PTPRM: variants seen among roughly 807,000 people sequenced by gnomAD.
PTPRM encodes the protein protein tyrosine phosphatase receptor type M.
A neutral mutation model predicts 186.7 loss-of-function variants in PTPRM; 47 were observed. The observed-to-expected ratio is 0.25, with a 90% confidence interval of 0.20 to 0.32. The LOEUF is 0.32. Ranked by LOEUF, PTPRM falls within the 10% of genes least tolerant of loss-of-function variation. The pLI is 1.00. For missense variants in PTPRM, 1,494 were observed against 1,865.0 expected, an observed-to-expected ratio of 0.80 and a Z score of 3.66; for synonymous variants, 668 against 674.9, an observed-to-expected ratio of 0.99 and a Z score of 0.16.
chr18:8,317,570 G>C (rs1362874544), intron 21 of PTPRM, among the ~76,000 whole-genome samples: 1 of 152,034 alleles, frequency 6.6e-6, no homozygotes, highest in South Asian at 2.1e-4. Flanking sequence ...GCAGATGGAG[G>C]AAAATGTCCA....
At chr18:7,654,362 T>G (rs114751276) in intron 1 of PTPRM, among the ~76,000 whole-genome samples, 10,148 of 152,210 alleles carry the variant, frequency 0.067, 467 homozygotes, top group East Asian at 0.19. Context: ...TGTGAAAAAT[T>G]AGACCTTGGC....
At chr18:8,264,553 G>C (rs1850840662) in intron 19 of PTPRM, among the ~76,000 whole-genome samples, 1 of 151,982 alleles carries the variant, frequency 6.6e-6, no homozygotes, top group South Asian at 2.1e-4. Flanking sequence ...GGCAGATCAT[G>C]AGGTCAGGAG....
intron 7 of PTPRM, among the ~76,000 whole-genome samples, chr18:8,007,130 C>T (rs1380219838): frequency 6.6e-6 from 1 of 152,132 alleles, no homozygotes; most frequent in African/African-American, 2.4e-5. Context: ...GGGGTAGGAC[C>T]TAGGAATCTG....
chr18:8,307,639 A>C (rs954691524), intron 20 of PTPRM, among the ~76,000 whole-genome samples: 1 of 152,040 alleles, frequency 6.6e-6, no homozygotes, highest in African/African-American at 2.4e-5. Flanking sequence ...CCCCGTCTCT[A>C]CTGAAAATAC....
At chr18:7,842,905 C>T (rs1599009967) in intron 2 of PTPRM, among the ~76,000 whole-genome samples, 18 of 92,056 alleles carry the variant, frequency 2.0e-4, no homozygotes, top group Admixed American at 3.6e-4. Flanking sequence ...ATATATGTTT[C>T]TCATATGTGT....
chr18:8,242,045 C>T (rs2094438495), intron 14 of PTPRM, among the ~76,000 whole-genome samples: 2 of 152,110 alleles, frequency 1.3e-5, no homozygotes, highest in Admixed American at 1.3e-4. Flanking sequence ...TTTATTGGCA[C>T]ATATATCCCT....
At chr18:7,868,096 C>A (rs545509890) in intron 2 of PTPRM, among the ~76,000 whole-genome samples, 1 of 152,250 alleles carries the variant, frequency 6.6e-6, no homozygotes, top group South Asian at 2.1e-4. Context: ...ATCAATTCAT[C>A]TAACCTTTTT....
chr18:8,388,379 G>A (rs2095791404), intron 31 of PTPRM, among the ~76,000 whole-genome samples: 1 of 152,182 alleles, frequency 6.6e-6, no homozygotes, highest in Admixed American at 6.5e-5. Flanking sequence ...CTCAGGGCGT[G>A]GGTTACTCTC....
At chr18:8,243,983 A>G in intron 14 of PTPRM, 75 bp from the exon 15 acceptor site, 1 of 1,382,620 alleles carries the variant, frequency 7.2e-7, no homozygotes, top group Non-Finnish European at 1.0e-6. Context: ...ATTCCTGAAC[A>G]TCTGTCAATA....
intron 21 of PTPRM, 28 bp downstream of exon 21, chr18:8,314,885 A>G: frequency 7.0e-7 from 1 of 1,427,318 alleles, no homozygotes; most frequent in Non-Finnish European, 9.7e-7. Context: ...TTTAATTGAT[A>G]TATAATTGTT....
chr18:8,326,624 G>A (rs623715), intron 22 of PTPRM, among the ~76,000 whole-genome samples: 146,313 of 152,146 alleles, frequency 0.96, 70,614 homozygotes, highest in East Asian at 1. Flanking sequence ...GCCCAGAAAT[G>A]GTGCCACACA....
chr18:7,584,996 TAGAC>T (rs2036940922), intron 1 of PTPRM, among the ~76,000 whole-genome samples: 1 of 152,156 alleles, frequency 6.6e-6, no homozygotes, highest in Non-Finnish European at 1.5e-5. Context: ...TCAACTGACA[TAGAC>T]AGCGTGGAAA....
intron 19 of PTPRM, among the ~76,000 whole-genome samples, chr18:8,274,187 A>G (rs945575429): frequency 3.9e-5 from 6 of 152,122 alleles, no homozygotes; most frequent in East Asian, 3.8e-4. Context: ...TTGATATCCA[A>G]TTTCCATGTT....
chr18:7,576,099 A>G (rs2036680904), intron 1 of PTPRM, among the ~76,000 whole-genome samples: 1 of 152,152 alleles, frequency 6.6e-6, no homozygotes, highest in African/African-American at 2.4e-5. Context: ...GTCAAAACTG[A>G]TAAGGTTTTA....
chr18:8,258,350 T>A (rs981578582), intron 19 of PTPRM, among the ~76,000 whole-genome samples: 1 of 152,128 alleles, frequency 6.6e-6, no homozygotes, highest in African/African-American at 2.4e-5. Flanking sequence ...CCACGCAGAC[T>A]TCTGGGCCTT....
At chr18:7,890,503 C>T (rs1219324608) in intron 3 of PTPRM, among the ~76,000 whole-genome samples, 2 of 151,504 alleles carry the variant, frequency 1.3e-5, no homozygotes, top group Non-Finnish European at 3.0e-5. Context: ...TAATGAGTGA[C>T]AAGTAAATGT....
chr18:8,148,398 T>C (rs2092930898), intron 14 of PTPRM, among the ~76,000 whole-genome samples: 1 of 152,228 alleles, frequency 6.6e-6, no homozygotes, highest in Non-Finnish European at 1.5e-5. Context: ...TGTCCAGGAA[T>C]TTATTCATTT....
At chr18:7,672,401 T>G (rs948882792) in intron 1 of PTPRM, among the ~76,000 whole-genome samples, 4 of 152,166 alleles carry the variant, frequency 2.6e-5, no homozygotes, top group African/African-American at 4.8e-5. Flanking sequence ...TTAAACTGCT[T>G]AAAAATTAAA....
chr18:8,125,400 G>C (rs1337154986), intron 13 of PTPRM, among the ~76,000 whole-genome samples: 1 of 151,902 alleles, frequency 6.6e-6, no homozygotes, highest in Admixed American at 6.6e-5. Context: ...TAACTACCCA[G>C]TACTGTATAT....
Sources: allele counts gnomAD v4.1 joint callset (sites outside exome capture counted in the v4.1 genomes callset), GRCh38; gene constraint gnomAD v4.1.1; transcripts MANE v1.5; gene names NCBI Gene and HGNC (gene_info 2026-07-23, HGNC 2026-07-21).